The following CNTNAP5 variants were observed in gnomAD, a reference collection of about 807,000 sequenced individuals.
CNTNAP5 encodes the protein contactin-associated protein-like 5.
Under a neutral mutation model 150.2 loss-of-function variants are expected in CNTNAP5, and 72 were observed. The ratio of observed to expected loss-of-function variants is 0.48; its 90% confidence interval spans 0.40 to 0.58. CNTNAP5 has a LOEUF of 0.58. Among genes scored for constraint, CNTNAP5 ranks in the 20% least tolerant of loss-of-function variants. The pLI is 0.00. For missense variants in CNTNAP5, 1,636 were observed against 1,626.2 expected (o/e 1.01, Z -0.10); for synonymous variants, 672 against 619.8 (o/e 1.08, Z -1.25).
intron 13 of CNTNAP5, among the ~76,000 whole-genome samples, chr2:124,700,390 T>G (rs1679496658): frequency 6.6e-6 from 1 of 152,162 alleles, no homozygotes; most frequent in Non-Finnish European, 1.5e-5. Flanking sequence ...GTGGAATGGC[T>G]GGATCATATG....
At chr2:124,494,016 A>T (rs1004933024) in intron 7 of CNTNAP5, among the ~76,000 whole-genome samples, 1 of 144,448 alleles carries the variant, frequency 6.9e-6, no homozygotes, top group Admixed American at 7.1e-5. Context: ...CACTTCCTTC[A>T]GCCTTATGTG....
chr2:124,317,685 A>T (rs1689000662), intron 3 of CNTNAP5, among the ~76,000 whole-genome samples: 1 of 152,246 alleles, frequency 6.6e-6, no homozygotes, highest in Admixed American at 6.5e-5. Context: ...CAATTATTAA[A>T]GTCTAAGAGC....
intron 1 of CNTNAP5, among the ~76,000 whole-genome samples, chr2:124,151,852 A>C (rs1237940898): frequency 6.6e-6 from 1 of 152,218 alleles, no homozygotes; most frequent in African/African-American, 2.4e-5. Context: ...ATGTGATTAT[A>C]CCAAATGTAC....
intron 3 of CNTNAP5, among the ~76,000 whole-genome samples, chr2:124,349,185 CA>C (rs34954109): frequency 0.82 from 125,327 of 152,094 alleles, 52,398 homozygotes; most frequent in African/African-American, 0.95. Flanking sequence ...TGTACTTTCA[CA>C]AAACCTGGAT....
chr2:124,774,090 A>T (rs1681269084), intron 17 of CNTNAP5, among the ~76,000 whole-genome samples: 1 of 152,150 alleles, frequency 6.6e-6, no homozygotes, highest in African/African-American at 2.4e-5. Context: ...TGTCAATACT[A>T]CCAAAACAAA....
intron 1 of CNTNAP5, among the ~76,000 whole-genome samples, chr2:124,136,912 C>G (rs1208545227): frequency 6.6e-6 from 1 of 152,176 alleles, no homozygotes; most frequent in Non-Finnish European, 1.5e-5. Flanking sequence ...TATATGCAGT[C>G]TTGTCTTTTT....
intron 19 of CNTNAP5, among the ~76,000 whole-genome samples, chr2:124,800,628 T>C (rs181981009): frequency 2.0e-5 from 3 of 152,340 alleles, no homozygotes; most frequent in Admixed American, 1.3e-4. Flanking sequence ...TTAAATAATG[T>C]GAATCTATTT....
At chr2:124,648,799 A>G (rs1678259592) in intron 13 of CNTNAP5, among the ~76,000 whole-genome samples, 1 of 152,178 alleles carries the variant, frequency 6.6e-6, no homozygotes, top group East Asian at 1.9e-4. Flanking sequence ...GTTTCATGGG[A>G]GAAAAAAGGA....
At position 124,812,529 on chromosome 2, in the gene CNTNAP5, G is replaced by A. The variant is rs1682259456; in HGVS notation, c.3217+14209G>A. Among the ~76,000 whole-genome samples, 3 of 152,024 alleles carry A rather than the reference G, an allele frequency of 2.0e-5. No homozygotes were observed. In the South Asian group the frequency reaches 6.2e-4, roughly 31 times the overall value. On this transcript the variant is annotated intron_variant, in intron 19 of 23. Transcript: ENST00000682447. The stretch of plus-strand genomic sequence containing the variant: ...TCAACTAGCATTTGACATCAACCCA[G>A]ACCTTAAATCTCATAAGAAATATTT...
chr2:124,613,001 G>A (rs1342394374), intron 12 of CNTNAP5, among the ~76,000 whole-genome samples: 3 of 152,114 alleles, frequency 2.0e-5, no homozygotes, highest in Admixed American at 6.5e-5. Flanking sequence ...GCAGTGAGCC[G>A]AGATTGTGCC....
At chr2:124,122,696 T>G (rs1167527369) in intron 1 of CNTNAP5, among the ~76,000 whole-genome samples, 1 of 151,974 alleles carries the variant, frequency 6.6e-6, no homozygotes, top group Admixed American at 6.6e-5. Context: ...CTTAGATCTT[T>G]GAGTTGCTAA....
chr2:124,458,311 AT>A (rs1558911617), intron 6 of CNTNAP5, among the ~76,000 whole-genome samples: 2 of 142,882 alleles, frequency 1.4e-5, no homozygotes, highest in African/African-American at 2.7e-5. Context: ...ATATATATAT[AT>A]ATATAAAATG....
At chr2:124,565,999 G>A (rs1696016993) in intron 11 of CNTNAP5, among the ~76,000 whole-genome samples, 1 of 144,914 alleles carries the variant, frequency 6.9e-6, no homozygotes, top group African/African-American at 2.6e-5. Flanking sequence ...ATGAACTCTT[G>A]TGGGTCCATC....
At position 124,445,377 on chromosome 2, in the gene CNTNAP5, C is replaced by T. The variant is rs201445845; in HGVS notation, c.734-1376C>T. Among the ~76,000 whole-genome samples, 36 of 152,062 alleles carry T rather than the reference C, an allele frequency of 2.4e-4. No individual in the cohort carries two copies. In the East Asian group the frequency reaches 5.4e-3, roughly 23 times the overall value. ...CCTCCCAAAGTGGTGGGATTACAGG[C>T]GTGAGCCACTGTACCCGGCTCATAA... On this transcript the variant is annotated intron_variant, in intron 5 of 23. Coordinates refer to ENST00000682447, the MANE Select transcript of CNTNAP5 (RefSeq NM_001367498.1).
At chr2:124,574,799 C>T (rs1405878951) in intron 11 of CNTNAP5, among the ~76,000 whole-genome samples, 1 of 152,168 alleles carries the variant, frequency 6.6e-6, no homozygotes, top group African/African-American at 2.4e-5. Context: ...CCGATTCATG[C>T]AAATATATTT....
chr2:124,602,247 CAGG>C (rs1298625989), intron 11 of CNTNAP5, among the ~76,000 whole-genome samples: 1 of 145,086 alleles, frequency 6.9e-6, no homozygotes, highest in African/African-American at 2.6e-5. Flanking sequence ...GAGGCTGAGG[CAGG>C]AGAATAGCTT....
At chr2:124,198,332 C>A (rs985603858) in intron 1 of CNTNAP5, among the ~76,000 whole-genome samples, 1 of 152,066 alleles carries the variant, frequency 6.6e-6, no homozygotes. Flanking sequence ...ATCTTTCAAT[C>A]TGTGGCCTAG....
chr2:124,124,260 CG>C (rs1449893566), intron 1 of CNTNAP5, among the ~76,000 whole-genome samples: 1 of 151,898 alleles, frequency 6.6e-6, no homozygotes, highest in Non-Finnish European at 1.5e-5. Flanking sequence ...AACTATGTGA[CG>C]CATGTGCAAG....
intron 19 of CNTNAP5, among the ~76,000 whole-genome samples, chr2:124,804,471 C>G (rs960735133): frequency 2.6e-5 from 4 of 152,162 alleles, no homozygotes; most frequent in African/African-American, 9.7e-5. Context: ...TGAACCACCC[C>G]CTTCCCAAAA....
Sources: allele counts gnomAD v4.1 joint callset (sites outside exome capture counted in the v4.1 genomes callset), GRCh38; gene constraint gnomAD v4.1.1; transcripts MANE v1.5; gene names NCBI Gene and HGNC (gene_info 2026-07-23, HGNC 2026-07-21).